Variants in GRIK3 observed in about 807,000 individuals in gnomAD.
GRIK3 encodes glutamate ionotropic receptor kainate type subunit 3.
A neutral mutation model predicts 102.5 loss-of-function variants in GRIK3; 29 were observed. The ratio of observed to expected loss-of-function variants is 0.28; its 90% CI spans 0.21 to 0.39. GRIK3 has a LOEUF of 0.39. Ranked by LOEUF, GRIK3 falls within the 10% of genes least tolerant of loss-of-function variation. The pLI is 1.00. For synonymous variants in GRIK3, 511 were observed against 504.9 expected (o/e 1.01, Z -0.16); for missense variants, 908 against 1,252.4 (o/e 0.73, Z 4.15).
rs905169131 is a variant in GRIK3, at chr1:36,806,682, C to T, written c.2092-356G>A. ...TCTAAGTGCTCTACCTGCATTAACT[C>T]GTTGATTCTTCACAGCGCTCACAGG... On this transcript the variant is annotated intron_variant, in intron 13 of 15. Transcript: ENST00000373091. This position sits in a 1 kb window ranked among gnomAD's most constrained non-coding sequence, Gnocchi z 4.0. Among the ~76,000 whole-genome samples the T allele has an allele frequency of 6.6e-6, 1 of 152,196 alleles. No individual in the cohort carries two copies. Among genetic ancestry groups the T allele is most frequent in the African/African-American group, 2.4e-5 (1 of 41,448 alleles).
chr1:36,969,934 G>A (rs939578234), intron 1 of GRIK3, among the ~76,000 whole-genome samples: 1 of 152,216 alleles, frequency 6.6e-6, no homozygotes, highest in Non-Finnish European at 1.5e-5. Context: ...ATGGCAATAT[G>A]AAATACTTTC....
At chr1:37,002,654 T>C (rs1392670451) in intron 1 of GRIK3, among the ~76,000 whole-genome samples, 1 of 150,550 alleles carries the variant, frequency 6.6e-6, no homozygotes, top group Non-Finnish European at 1.5e-5. Flanking sequence ...AGATGTTGCA[T>C]TTATTTTCTT....
chr1:36,973,079 A>T (rs971580153), intron 1 of GRIK3, among the ~76,000 whole-genome samples: 9 of 152,238 alleles, frequency 5.9e-5, no homozygotes, highest in South Asian at 2.1e-4. Flanking sequence ...CTGCCCCAGG[A>T]CAACAGAGGA....
intron 1 of GRIK3, among the ~76,000 whole-genome samples, chr1:36,937,258 G>A (rs1166879925): frequency 6.6e-6 from 1 of 152,160 alleles, no homozygotes; most frequent in Non-Finnish European, 1.5e-5. Context: ...ACAGCATGGT[G>A]CCACGCCCTC....
At chr1:36,991,133 C>A (rs920051779) in intron 1 of GRIK3, among the ~76,000 whole-genome samples, 2 of 152,200 alleles carry the variant, frequency 1.3e-5, no homozygotes, top group African/African-American at 4.8e-5. Context: ...AATCACTTCA[C>A]CTCTCTGAGC....
intron 1 of GRIK3, among the ~76,000 whole-genome samples, chr1:36,979,543 G>T (rs1642228884): frequency 6.6e-6 from 1 of 152,222 alleles, no homozygotes; most frequent in African/African-American, 2.4e-5. Flanking sequence ...CTGGAGATCA[G>T]GTTTTGTATC....
At chr1:36,910,093 A>G (rs1454987938) in intron 1 of GRIK3, among the ~76,000 whole-genome samples, 1 of 152,042 alleles carries the variant, frequency 6.6e-6, no homozygotes, top group African/African-American at 2.4e-5. Flanking sequence ...TTTCTCTTCA[A>G]TAACTCTGTG....
At chr1:36,829,399 ATTGTTTT>A (rs759972356) in intron 10 of GRIK3, among the ~76,000 whole-genome samples, 1 of 150,994 alleles carries the variant, frequency 6.6e-6, no homozygotes, top group Non-Finnish European at 1.5e-5. Context: ...CATGGTTTTT[ATTGTTTT>A]TTGTTTTTTT....
chr1:36,936,812 ATT>A (rs3059460), intron 1 of GRIK3, among the ~76,000 whole-genome samples: 1 of 149,522 alleles, frequency 6.7e-6, no homozygotes, highest in African/African-American at 2.5e-5. Context: ...CTTTAACCTC[ATT>A]TTTTTTTTTC....
chr1:36,895,078 T>C (rs491314), intron 1 of GRIK3, among the ~76,000 whole-genome samples: 6,818 of 152,148 alleles, frequency 0.045, 413 homozygotes, highest in African/African-American at 0.13. Flanking sequence ...CTGTGAAGTT[T>C]ACCGCCCAGG....
intron 11 of GRIK3, 43 bp downstream of exon 11, chr1:36,825,560 C>A (rs1462784583): frequency 1.4e-6 from 2 of 1,386,318 alleles, no homozygotes; most frequent in Admixed American, 2.2e-5. Context: ...AACCCCTAGA[C>A]CTTCAACCTT....
At chr1:36,949,354 T>C (rs985009995) in intron 1 of GRIK3, among the ~76,000 whole-genome samples, 2 of 152,152 alleles carry the variant, frequency 1.3e-5, no homozygotes, top group African/African-American at 4.8e-5. Flanking sequence ...ACTCTGTCTC[T>C]TTCAACTCTG....
intron 13 of GRIK3, among the ~76,000 whole-genome samples, chr1:36,810,201 A>ATC (rs150621185): frequency 1.3e-5 from 2 of 152,230 alleles, no homozygotes; most frequent in East Asian, 3.9e-4. Flanking sequence ...CCTCTCTCCC[A>ATC]TCTCTGGGAG....
At chr1:36,974,672 C>CG (rs1371385425) in intron 1 of GRIK3, among the ~76,000 whole-genome samples, 1 of 151,750 alleles carries the variant, frequency 6.6e-6, no homozygotes, top group Non-Finnish European at 1.5e-5. Context: ...TGGTGGTGGG[C>CG]GCCTGTAGTC....
At chr1:36,832,077 C>A (rs1380913366) in intron 10 of GRIK3, among the ~76,000 whole-genome samples, 1 of 172 alleles carries the variant, frequency 5.8e-3, no homozygotes, top group African/African-American at 0.031. Flanking sequence ...AACTCCCTGG[C>A]GACTGCTCTA....
intron 1 of GRIK3, among the ~76,000 whole-genome samples, chr1:36,964,258 C>T (rs1308387652): frequency 6.6e-6 from 1 of 152,236 alleles, no homozygotes; most frequent in Non-Finnish European, 1.5e-5. Context: ...GAGACAAGCA[C>T]CAGCTGAGGG....
chr1:36,817,802 C>T (rs551466385), intron 12 of GRIK3, among the ~76,000 whole-genome samples: 1 of 152,302 alleles, frequency 6.6e-6, no homozygotes, highest in South Asian at 2.1e-4. Context: ...TCCTCTGTCC[C>T]AGCCTCACAT....
chr1:36,965,759 A>G (rs1450479004), intron 1 of GRIK3, among the ~76,000 whole-genome samples: 1 of 152,202 alleles, frequency 6.6e-6, no homozygotes, highest in Non-Finnish European at 1.5e-5. Context: ...TGGAACCTCA[A>G]TTCCCTAAGA....
chr1:36,835,914 C>T (rs1640372276), intron 10 of GRIK3, among the ~76,000 whole-genome samples: 1 of 152,188 alleles, frequency 6.6e-6, no homozygotes, highest in African/African-American at 2.4e-5. Context: ...CTCCTGCACC[C>T]CTCACCTGCT....
Sources: allele counts gnomAD v4.1 joint callset (sites outside exome capture counted in the v4.1 genomes callset), GRCh38; gene constraint gnomAD v4.1.1; non-coding constraint Gnocchi (gnomAD v3.1); transcripts MANE v1.5; gene names NCBI Gene and HGNC (gene_info 2026-07-23, HGNC 2026-07-21).